Variants in LEMD3 observed in about 807,000 individuals in gnomAD.
LEMD3 encodes the protein inner nuclear membrane protein Man1.
LEMD3 carries 33 observed loss-of-function variants against 95.2 expected under a neutral mutation model. The observed-to-expected ratio is 0.35, with a 90% CI of 0.26 to 0.46. The LOEUF (loss-of-function observed/expected upper bound fraction) is 0.46, where lower values mean the gene tolerates loss of function less well. Ranked by LOEUF, LEMD3 falls within the 20% of genes least tolerant of loss-of-function variation. The probability of loss-of-function intolerance (pLI) is 1.00; values close to 1 mark genes in which losing one functional copy is unlikely to be tolerated. For synonymous variants in LEMD3, 525 were observed against 474.6 expected, an observed-to-expected ratio of 1.11 and a Z score of -1.38; for missense variants, 1,210 against 1,192.8, an observed-to-expected ratio of 1.01 and a Z score of -0.21.
chr12:65,177,395 A>G (rs1489125804), intron 1 of LEMD3, among the ~76,000 whole-genome samples: 1 of 151,410 alleles, frequency 6.6e-6, no homozygotes, highest in East Asian at 1.9e-4. Flanking sequence ...ATAGGAGTCA[A>G]AGATTATTCT....
intron 6 of LEMD3, among the ~76,000 whole-genome samples, chr12:65,239,497 A>G (rs895162938): frequency 1.3e-5 from 2 of 152,160 alleles, no homozygotes; most frequent in Non-Finnish European, 2.9e-5. Context: ...GCAGTTAGCC[A>G]TGATTGCACT....
chr12:65,182,405 G>C lies in LEMD3; in HGVS notation c.1522+11287G>C, dbSNP rs550992257. On this transcript the variant is annotated intron_variant, in intron 1 of 12. Transcript: ENST00000308330. ...TATAACTGTAATTTTAATATTATAAGATAGGACTTAACAGCTATAGTAGTT... is the reference window on the plus strand; with the variant it reads ...TATAACTGTAATTTTAATATTATAACATAGGACTTAACAGCTATAGTAGTT... Among the ~76,000 whole-genome samples, 40 of 152,244 alleles carry C rather than the reference G, an allele frequency of 2.6e-4. No individual in the cohort carries two copies. The South Asian group carries it at 8.3e-3, about 32-fold the overall frequency.
At chr12:65,204,049 C>T (rs892189076) in intron 1 of LEMD3, among the ~76,000 whole-genome samples, 1 of 152,102 alleles carries the variant, frequency 6.6e-6, no homozygotes, top group African/African-American at 2.4e-5. Context: ...TTCTTACAGA[C>T]AACTTATACT....
chr12:65,185,640 A>G (rs1869038474), intron 1 of LEMD3, among the ~76,000 whole-genome samples: 1 of 151,340 alleles, frequency 6.6e-6, no homozygotes, highest in Non-Finnish European at 1.5e-5. Flanking sequence ...GTGGAGAATC[A>G]TTACTTAAAG....
intron 9 of LEMD3, 34 bp downstream of exon 9, chr12:65,241,121 C>T: frequency 6.3e-7 from 1 of 1,581,270 alleles, no homozygotes. Context: ...AAGTAATTTT[C>T]TTCTAATTTT....
At chr12:65,188,092 T>C (rs1009138811) in intron 1 of LEMD3, among the ~76,000 whole-genome samples, 7 of 152,114 alleles carry the variant, frequency 4.6e-5, no homozygotes, top group Non-Finnish European at 1.0e-4. Context: ...GTTAGGTTTT[T>C]GAAATCAGAG....
At chr12:65,211,286 C>CT (rs1274816206) in intron 2 of LEMD3, among the ~76,000 whole-genome samples, 1 of 152,134 alleles carries the variant, frequency 6.6e-6, no homozygotes, top group African/African-American at 2.4e-5. Flanking sequence ...TTGTCTTACA[C>CT]TTAGAAGTAT....
chr12:65,245,444 T>C, intron 10 of LEMD3: 1 of 513,056 alleles, frequency 1.9e-6, no homozygotes, highest in African/African-American at 1.9e-5. Context: ...TGGCCAGCGC[T>C]CTGCACTCTT....
At chr12:65,205,528 G>T (rs906064034) in intron 1 of LEMD3, among the ~76,000 whole-genome samples, 1 of 152,084 alleles carries the variant, frequency 6.6e-6, no homozygotes, top group East Asian at 1.9e-4. Context: ...TGATAGCCAT[G>T]TTTAAAGTTT....
At chr12:65,175,483 C>G (rs1463363815) in intron 1 of LEMD3, among the ~76,000 whole-genome samples, 1 of 152,160 alleles carries the variant, frequency 6.6e-6, no homozygotes, top group Non-Finnish European at 1.5e-5. Flanking sequence ...CCTCTGCTAC[C>G]TCTCTTCTTC....
intron 1 of LEMD3, among the ~76,000 whole-genome samples, chr12:65,204,989 A>G (rs1457822936): frequency 6.6e-6 from 1 of 152,174 alleles, no homozygotes; most frequent in Non-Finnish European, 1.5e-5. Flanking sequence ...TAAAGGAAAG[A>G]GGTTTAATTG....
At chr12:65,241,448 A>G (rs1565800445) in intron 9 of LEMD3, among the ~76,000 whole-genome samples, 1 of 151,604 alleles carries the variant, frequency 6.6e-6, no homozygotes, top group Non-Finnish European at 1.5e-5. Context: ...CTATATATGT[A>G]TATAAGTGAA....
chr12:65,222,522 AATAG>A (rs940615729), intron 4 of LEMD3, among the ~76,000 whole-genome samples: 16 of 152,196 alleles, frequency 1.1e-4, no homozygotes, highest in Non-Finnish European at 2.4e-4. Flanking sequence ...TCTTTAATAA[AATAG>A]ATAATAAACT....
intron 1 of LEMD3, among the ~76,000 whole-genome samples, chr12:65,200,111 C>T (rs556789788): frequency 4.0e-5 from 6 of 151,750 alleles, no homozygotes; most frequent in South Asian, 2.1e-4. Context: ...TTGATTGGTC[C>T]GCTCCTGCAA....
At chr12:65,244,458 C>T (rs1405175120) in intron 10 of LEMD3, among the ~76,000 whole-genome samples, 1 of 152,162 alleles carries the variant, frequency 6.6e-6, no homozygotes, top group Non-Finnish European at 1.5e-5. Flanking sequence ...TCACTTTCCT[C>T]TCTCTCCTGC....
rs906406072 is a variant in LEMD3, at chr12:65,241,049, A to G, written c.2267A>G (p.Lys756Arg). ...RWIQPSASCD[K>R]ILVIPSKVWQ... ...ATCCAGCCTTCTGCATCCTGTGACA[A>G]AATATTAGTTATACCTTCTAAAGTA... Residue 756 changes from lysine (K) to arginine (R), a missense_variant, in exon 9 of 13, where the codon AAA becomes AGA. Physicochemically the swap from Lys to Arg is conservative, Grantham distance 26. This residue lies in a region of LEMD3 where 461 missense variants were observed against 569.8 expected (regional missense o/e 0.81). Transcript: ENST00000308330. 1 of 1,614,060 alleles carries G rather than the reference A, an allele frequency of 6.2e-7. No homozygotes were observed. The highest frequency in any genetic ancestry group is 1.3e-5 in the African/African-American group (1 of 75,042).
intron 1 of LEMD3, among the ~76,000 whole-genome samples, chr12:65,209,816 A>C (rs1869883950): frequency 6.6e-6 from 1 of 152,068 alleles, no homozygotes; most frequent in South Asian, 2.1e-4. Flanking sequence ...TCTTAGAATC[A>C]GGCAGTTCCT....
chr12:65,180,144 C>T (rs919517163), intron 1 of LEMD3, among the ~76,000 whole-genome samples: 1 of 151,866 alleles, frequency 6.6e-6, no homozygotes, highest in Non-Finnish European at 1.5e-5. Flanking sequence ...TGAGGTTTCA[C>T]CATGTTGGCC....
intron 1 of LEMD3, among the ~76,000 whole-genome samples, chr12:65,188,456 G>A (rs1869134564): frequency 6.6e-6 from 1 of 152,160 alleles, no homozygotes; most frequent in Non-Finnish European, 1.5e-5. Context: ...TTTATAGGCT[G>A]AATGTGGAAG....
Sources: allele counts gnomAD v4.1 joint callset (sites outside exome capture counted in the v4.1 genomes callset), GRCh38; gene constraint gnomAD v4.1.1; regional missense constraint gnomAD v4.1.1; transcripts MANE v1.5; gene names NCBI Gene and HGNC (gene_info 2026-07-23, HGNC 2026-07-21).